ASB2: variants seen among roughly 807,000 people sequenced by gnomAD.
The protein encoded by ASB2 is ankyrin repeat and SOCS box protein 2.
ASB2 carries 58 observed loss-of-function variants against 62.4 expected under a neutral mutation model. The observed-to-expected ratio is 0.93, with a 90% confidence interval of 0.75 to 1.16. ASB2 has a LOEUF of 1.16. Among genes scored for constraint, ASB2 ranks in the 50% most tolerant of loss-of-function variants. The pLI is 0.00. For synonymous variants in ASB2, 386 were observed against 385.3 expected, an observed-to-expected ratio of 1.00 and a Z score of -0.02; for missense variants, 928 against 887.9, an observed-to-expected ratio of 1.05 and a Z score of -0.57.
Position 93,934,592 on chromosome 14 carries a change from A to C in ASB2, c.*64T>G, listed in dbSNP as rs1567016584. ...ACCAGGTCCCCTTGGAGTTGGGAAC[A>C]CCGACGTCCTGAGACTTAGTAAGAA... is the stretch of plus-strand genomic sequence containing the variant. On this transcript the variant is annotated 3_prime_UTR_variant, in exon 10 of 10. Transcript: ENST00000555019. 9.8e-5 allele frequency: 153 copies of C among 1,566,128 alleles called. No homozygotes were observed. Among genetic ancestry groups the C allele is most frequent in the Non-Finnish European group, 1.2e-4 (141 of 1,142,736 alleles).
rs748919234 is a variant in ASB2, at chr14:93,939,245, A to G, written c.1480T>C (p.Phe494Leu). 2 of 1,609,814 alleles carry G rather than the reference A, an allele frequency of 1.2e-6. No individual in the cohort carries two copies. The highest frequency in any genetic ancestry group is 1.1e-5 in the South Asian group (1 of 90,996). Residue 494 changes from phenylalanine (F) to leucine (L), a missense_variant, in exon 8 of 10, where the codon TTC (phenylalanine) becomes CTC (leucine). Physicochemically the swap from Phe to Leu is conservative, Grantham distance 22 (BLOSUM62 0). Transcript: ENST00000555019. ...FAMKCLSLLK[F>L]LMDLGCDGEP... ...CCGTCGCAGCCCAGGTCCATGAGGAACTTGAGCAGCGACAGGCACTTCATG... is the reference window on the plus strand; with the variant it reads ...CCGTCGCAGCCCAGGTCCATGAGGAGCTTGAGCAGCGACAGGCACTTCATG...
At chr14:93,959,150 T>G (rs1432343055) in intron 2 of ASB2, among the ~76,000 whole-genome samples, 2 of 152,038 alleles carry the variant, frequency 1.3e-5, no homozygotes, top group African/African-American at 4.8e-5. Context: ...ACAGACTGAG[T>G]TCCATTCAAC....
At chr14:93,975,336 C>A (rs897113512) in intron 1 of ASB2, among the ~76,000 whole-genome samples, 6 of 152,228 alleles carry the variant, frequency 3.9e-5, no homozygotes, top group African/African-American at 1.2e-4. Context: ...CCAGTGCATA[C>A]CCCTGGCTTC....
chr14:93,941,916 C>A (rs1888540889), intron 7 of ASB2, among the ~76,000 whole-genome samples: 1 of 152,260 alleles, frequency 6.6e-6, no homozygotes, highest in Non-Finnish European at 1.5e-5. Context: ...GTGCGTCCAG[C>A]TTTCCCATTT....
intron 7 of ASB2, among the ~76,000 whole-genome samples, chr14:93,942,953 A>G (rs1185794713): frequency 6.6e-6 from 1 of 152,152 alleles, no homozygotes; most frequent in Admixed American, 6.5e-5. Context: ...TTAAGTCATA[A>G]TTGTGCTAAT....
chr14:93,939,701 A>AGGGGAGGGTCGGGGTGTGGAC (rs1490082821), intron 7 of ASB2, 29 bp from the exon 8 acceptor site: 1 of 1,032,026 alleles, frequency 9.7e-7, no homozygotes, highest in African/African-American at 1.8e-5. Context: ...GGCGCGGGTG[A>AGGGGAGGGTCGGGGTGTGGAC]GGGGAGGGTC....
In ASB2 at chr14:93,954,302, G is replaced by T. The variant is rs1297004641; in HGVS notation, c.478+15C>A. 7.5e-6 allele frequency: 12 copies of T among 1,609,508 alleles called. No individual in the cohort carries two copies. Among genetic ancestry groups the T allele is most frequent in the African/African-American group, 1.3e-5 (1 of 74,858 alleles). ...CCTTTCCCACCTCTTGCCACCGTCAGAGCCCAGCCCTCACCTCGCTGCAGG... is the reference window on the plus strand; with the variant it reads ...CCTTTCCCACCTCTTGCCACCGTCATAGCCCAGCCCTCACCTCGCTGCAGG... On this transcript the variant is annotated intron_variant, in intron 4 of 9. Transcript: ENST00000555019.
chr14:93,949,273 C>A (rs1354775466), intron 6 of ASB2, among the ~76,000 whole-genome samples: 1 of 152,170 alleles, frequency 6.6e-6, no homozygotes, highest in Non-Finnish European at 1.5e-5. Flanking sequence ...ATGGTGTGAC[C>A]AGTTTCTGAT....
At chr14:93,941,593 G>T (rs759530383) in intron 7 of ASB2, 39 of 455,702 alleles carry the variant, frequency 8.6e-5, no homozygotes, top group Non-Finnish European at 1.3e-4. Flanking sequence ...CTCTGCAGAG[G>T]TGCTGGTCAA....
intron 1 of ASB2, among the ~76,000 whole-genome samples, chr14:93,972,356 T>C (rs375924057): frequency 6.6e-6 from 1 of 152,076 alleles, no homozygotes; most frequent in East Asian, 1.9e-4. Flanking sequence ...TGCTCGGAGG[T>C]GTAGGACATT....
intron 2 of ASB2, among the ~76,000 whole-genome samples, chr14:93,958,307 C>T (rs1206649456): frequency 2.6e-5 from 4 of 152,210 alleles, no homozygotes; most frequent in Non-Finnish European, 4.4e-5. Flanking sequence ...CAGATGAGGA[C>T]AGGGAGGCTG....
intron 4 of ASB2, 109 bp from the exon 5 acceptor site, chr14:93,953,616 T>C (rs998340941): frequency 1.0e-6 from 1 of 997,136 alleles, no homozygotes; most frequent in African/African-American, 1.6e-5. Flanking sequence ...TGACATCCTC[T>C]GAAATTTACC....
intron 2 of ASB2, 30 bp from the exon 3 acceptor site, chr14:93,956,900 G>A (rs562436235): frequency 5.0e-6 from 8 of 1,613,904 alleles, no homozygotes; most frequent in Non-Finnish European, 6.8e-6. Context: ...AGTGAAAGAG[G>A]GAAAAGTACT....
rs188385706 is a variant in ASB2 at position 93,976,081 on chromosome 14, C to T, written c.-74+353G>A. Among the ~76,000 whole-genome samples the T allele has an allele frequency of 1.1e-3, 174 of 152,340 alleles. 1 individual carries two copies. Among genetic ancestry groups the T allele is most frequent in the Non-Finnish European group, 2.0e-3 (135 of 68,036 alleles). On this transcript the variant is annotated intron_variant, in intron 1 of 9. Transcript: ENST00000555019. ...CTGTGCGCCTGGCCTGAAAGCATTTCTGAAAGTCACTTGTCTGACACAGAT... is the reference window on the plus strand; with the variant it reads ...CTGTGCGCCTGGCCTGAAAGCATTTTTGAAAGTCACTTGTCTGACACAGAT...
At chr14:93,956,983 AC>A in intron 2 of ASB2, 113 bp from the exon 3 acceptor site, 1 of 1,568,464 alleles carries the variant, frequency 6.4e-7, no homozygotes, top group Non-Finnish European at 8.7e-7. Flanking sequence ...AGACTGACTG[AC>A]AGACACAGGG....
chr14:93,957,750 T>C (rs1464065619), intron 2 of ASB2, among the ~76,000 whole-genome samples: 1 of 152,060 alleles, frequency 6.6e-6, no homozygotes, highest in African/African-American at 2.4e-5. Flanking sequence ...CCTGTGAGGG[T>C]GGAAGAGCCG....
At chr14:93,942,076 G>T in intron 7 of ASB2, 1 of 436,362 alleles carries the variant, frequency 2.3e-6, no homozygotes, top group South Asian at 1.6e-5. Flanking sequence ...CTATGGGAGC[G>T]GCCACGTTGG....
chr14:93,955,177 G>C (rs1404035406), intron 3 of ASB2: 1 of 456,520 alleles, frequency 2.2e-6, no homozygotes, highest in Non-Finnish European at 4.4e-6. Flanking sequence ...GGAGGCTTCT[G>C]CATCAATAGT....
chr14:93,966,983 T>C (rs59213995), intron 1 of ASB2, among the ~76,000 whole-genome samples: 7,599 of 152,082 alleles, frequency 0.05, 643 homozygotes, highest in African/African-American at 0.17. Context: ...ATGCTTGGAG[T>C]GCTGTTATTT....
Sources: gnomAD v4.1 joint callset for allele counts (sites outside exome capture counted in the v4.1 genomes callset) on GRCh38, gnomAD v4.1.1 for gene constraint, MANE v1.5 for transcripts, NCBI Gene and HGNC (gene_info 2026-07-23, HGNC 2026-07-21) for gene names.